Variants in POM121 observed in about 807,000 individuals in gnomAD.
The protein encoded by POM121 is nuclear envelope pore membrane protein POM 121.
A neutral mutation model predicts 81.3 loss-of-function variants in POM121; 32 were observed. That is an observed-to-expected ratio of 0.39 (90% confidence interval 0.30 to 0.53). The LOEUF (loss-of-function observed/expected upper bound fraction) is 0.53. POM121 is among the 20% of genes least tolerant of loss of function. POM121 has a pLI of 0.66. For missense variants in POM121, 1,138 were observed against 1,614.6 expected, an observed-to-expected ratio of 0.70 and a Z score of 5.06; for synonymous variants, 514 against 694.2, an observed-to-expected ratio of 0.74 and a Z score of 4.08.
At position 72,930,124 on chromosome 7, in the gene POM121, C is replaced by T. The variant is rs375055739; in HGVS notation, c.1275+13C>T. The T allele has an allele frequency of 1.3e-6, 2 of 1,594,272 alleles. No homozygotes were observed. The highest frequency in any genetic ancestry group is 1.7e-6 in the Non-Finnish European group (2 of 1,165,994). On this transcript the variant is annotated intron_variant, in intron 5 of 12. Coordinates refer to ENST00000434423, the MANE Select transcript of POM121 (RefSeq NM_001387691.1). ...AGGCATCTCACAGGTACAAGTACAG[C>T]TCTTTTAATGTGGGGGACATGAATT...
At chr7:72,910,401 G>T (rs1232309840) in intron 3 of POM121, among the ~76,000 whole-genome samples, 1 of 152,220 alleles carries the variant, frequency 6.6e-6, no homozygotes, top group African/African-American at 2.4e-5. Context: ...TAGGATTAGA[G>T]AGGAATATTC....
chr7:72,898,411 G>A lies in POM121; in HGVS notation c.-216+7301G>A, dbSNP rs1486655621. The stretch of plus-strand genomic sequence containing the variant: ...ACCTGGCTTTGCACATGTTTAGTTT[G>A]AGGTGTTAGTTAGATATCCAAATGG... On this transcript the variant is annotated intron_variant, in intron 3 of 15. Transcript: ENST00000395270. 2.6e-5 allele frequency among the ~76,000 whole-genome samples: 4 copies of A among 152,218 alleles called. No individual in the cohort carries two copies. In the East Asian group the frequency reaches 5.8e-4, roughly 22 times the overall value.
At chr7:72,918,940 G>C (rs1269216061) in intron 4 of POM121, among the ~76,000 whole-genome samples, 1 of 152,144 alleles carries the variant, frequency 6.6e-6, no homozygotes, top group African/African-American at 2.4e-5. Context: ...TGGGATGACA[G>C]GCACCCGCCA....
At chr7:72,893,291 C>G (rs1791487990) in intron 3 of POM121, among the ~76,000 whole-genome samples, 1 of 151,254 alleles carries the variant, frequency 6.6e-6, no homozygotes. Flanking sequence ...TGGTTAAAAA[C>G]CACGTAACAT....
At chr7:72,931,514 T>G (rs575496554) in intron 5 of POM121, among the ~76,000 whole-genome samples, 1 of 152,296 alleles carries the variant, frequency 6.6e-6, no homozygotes, top group Non-Finnish European at 1.5e-5. Flanking sequence ...TTTTATATTT[T>G]TATGTATTAC....
intron 3 of POM121, among the ~76,000 whole-genome samples, chr7:72,897,598 C>T (rs1399786328): frequency 6.6e-6 from 1 of 152,168 alleles, no homozygotes; most frequent in East Asian, 1.9e-4. Context: ...CTGTTGAGAA[C>T]AGTTCATAGG....
At chr7:72,894,375 C>T (rs1554491354) in intron 3 of POM121, among the ~76,000 whole-genome samples, 1 of 152,000 alleles carries the variant, frequency 6.6e-6, no homozygotes, top group Non-Finnish European at 1.5e-5. Flanking sequence ...GTCAGAAGTT[C>T]AAGACCAGCC....
chr7:72,943,929 A>G (rs1797399281), intron 11 of POM121, among the ~76,000 whole-genome samples: 1 of 152,132 alleles, frequency 6.6e-6, no homozygotes, highest in Non-Finnish European at 1.5e-5. Flanking sequence ...AATCCCAGCT[A>G]CTCAGGAGGC....
Position 72,925,533 on chromosome 7 carries a change from GGCAGTTACCTGGGCAAGCCCGGGCCGCC to G in POM121, c.417_444del (p.Tyr140ProfsTer77). 2.0e-6 allele frequency: 3 copies of G among 1,533,240 alleles called. No homozygotes were observed. The highest frequency in any genetic ancestry group is 2.6e-6 in the Non-Finnish European group (3 of 1,146,396). 95.0% of individuals were successfully genotyped at this position (1,533,240 alleles called of 1,614,324 possible). ...TGACCCTGCGGAACTGCTACTCATGGGCAGTTACCTGGGCAAGCCCGGGCCGCCGCAGCCCGCCGCCGCTCCGGAGGGC... is the reference window on the plus strand; with the variant it reads ...TGACCCTGCGGAACTGCTACTCATGGGCAGCCCGCCGCCGCTCCGGAGGGC... On this transcript the variant is annotated frameshift_variant, in exon 1 of 13. Transcript: ENST00000434423. LOFTEE classifies it high-confidence loss of function.
At chr7:72,899,621 C>G (rs1792376009) in intron 3 of POM121, among the ~76,000 whole-genome samples, 2 of 150,342 alleles carry the variant, frequency 1.3e-5, no homozygotes, top group South Asian at 4.2e-4. Context: ...CTCTGTCGCC[C>G]AGGCTGGAGT....
intron 3 of POM121, among the ~76,000 whole-genome samples, chr7:72,903,384 T>C (rs1792906959): frequency 6.6e-6 from 1 of 151,946 alleles, no homozygotes; most frequent in Non-Finnish European, 1.5e-5. Flanking sequence ...TTGCAATGAG[T>C]GGAGATCACA....
chr7:72,937,114 G>A (rs1436092662), intron 5 of POM121, among the ~76,000 whole-genome samples: 1 of 152,112 alleles, frequency 6.6e-6, no homozygotes, highest in Non-Finnish European at 1.5e-5. Context: ...AATTAGCTGG[G>A]TGTGGTGGCA....
chr7:72,911,322 G>A (rs1212135870), intron 3 of POM121, among the ~76,000 whole-genome samples: 4 of 152,230 alleles, frequency 2.6e-5, no homozygotes, highest in Admixed American at 2.6e-4. Flanking sequence ...GTTGTAATTA[G>A]AAGAGAAATG....
At chr7:72,938,809 C>T in intron 6 of POM121, 128 bp downstream of exon 6, 1 of 1,130,594 alleles carries the variant, frequency 8.8e-7, no homozygotes, top group Non-Finnish European at 1.3e-6. Flanking sequence ...ACTTAAGTCC[C>T]TGAGAGGTAC....
At chr7:72,926,737 A>C (rs1795486417) in intron 2 of POM121, 65 bp from the exon 3 acceptor site, 1 of 1,570,072 alleles carries the variant, frequency 6.4e-7, no homozygotes, top group African/African-American at 1.4e-5. Context: ...CTTGTTTCTG[A>C]AGTCTGTGCT....
chr7:72,925,101 C>A lies in POM121; in HGVS notation c.-21C>A. On this transcript the variant is annotated 5_prime_UTR_variant, in exon 1 of 13. Coordinates refer to ENST00000434423, the MANE Select transcript of POM121 (RefSeq NM_001387691.1). Reference sequence around the variant, plus strand: ...GGTGCACGCTGGGATATTTAAGTCTCCTCCGCGGCGCGGAGCCGCGATGTC... The same window carrying A: ...GGTGCACGCTGGGATATTTAAGTCTACTCCGCGGCGCGGAGCCGCGATGTC... The A allele has an allele frequency of 6.4e-6, 9 of 1,397,280 alleles. No individual in the cohort carries two copies. The highest frequency in any genetic ancestry group is 8.3e-6 in the Non-Finnish European group (9 of 1,090,544). The allele number at this position is 1,397,280 out of a possible 1,614,324, so 86.6% of individuals were successfully genotyped here.
chr7:72,939,359 C>A lies in POM121; in HGVS notation c.1391C>A (p.Ser464Tyr), dbSNP rs879995125. ...KIREEELCHH[S>Y]SSSTPLAADR... ...AGAGAAGAGGAGCTGTGTCATCATT[C>A]CAGTTCTTCAACTCCATTGGCAGCA... The change falls in exon 7 of 13, where the codon TCC becomes TAC. Residue 464 changes from serine (S) to tyrosine (Y), a missense_variant. Coordinates refer to ENST00000434423, the MANE Select transcript of POM121 (RefSeq NM_001387691.1). 5.0e-6 allele frequency: 8 copies of A among 1,613,776 alleles called. No homozygotes were observed. The South Asian group carries it at 8.8e-5, about 18-fold the overall frequency.
intron 3 of POM121, among the ~76,000 whole-genome samples, chr7:72,898,979 CTTTTTTTTTTTT>C (rs1176371162): frequency 8.8e-5 from 3 of 34,102 alleles, no homozygotes; most frequent in East Asian, 9.0e-4. Context: ...CTTTTCTTTT[CTTTTTTTTTTTT>C]TTTTTTTTTT....
chr7:72,891,006 C>T (rs1327289665), exon 3 of POM121: 76 of 1,093,222 alleles, frequency 7.0e-5, no homozygotes, highest in Non-Finnish European at 1.0e-4. Context: ...CTTCTTTTCC[C>T]ATTAACAAGA....
Sources: gnomAD v4.1 joint callset for allele counts (sites outside exome capture counted in the v4.1 genomes callset) on GRCh38, gnomAD v4.1.1 for gene constraint, MANE v1.5 for transcripts, NCBI Gene and HGNC (gene_info 2026-07-23, HGNC 2026-07-21) for gene names.